The following SYT16 variants were observed in gnomAD, a reference collection of about 807,000 sequenced individuals.
SYT16 encodes synaptotagmin-16.
In SYT16, 42 loss-of-function variants were observed where a neutral mutation model predicts 61.4. That is an observed-to-expected ratio of 0.68 (90% CI 0.53 to 0.89). The LOEUF (loss-of-function observed/expected upper bound fraction) is 0.89. Among genes scored for constraint, SYT16 ranks in the 40% least tolerant of loss-of-function variants. The pLI is 0.00. For missense variants in SYT16, 804 were observed against 807.3 expected (o/e 1.00, Z 0.05); for synonymous variants, 314 against 302.3 (o/e 1.04, Z -0.40).
chr14:61,958,961 A>G (rs1241968554), intron 1 of SYT16, among the ~76,000 whole-genome samples: 1 of 151,968 alleles, frequency 6.6e-6, no homozygotes, highest in African/African-American at 2.4e-5. Flanking sequence ...TTTAGTTGTG[A>G]TAGATCCCTG....
intron 1 of SYT16, among the ~76,000 whole-genome samples, chr14:61,902,061 C>T (rs2048542313): frequency 6.6e-6 from 1 of 152,172 alleles, no homozygotes; most frequent in South Asian, 2.1e-4. Flanking sequence ...CCGTTCCAGA[C>T]CTGCTTATAA....
intron 2 of SYT16, among the ~76,000 whole-genome samples, chr14:61,995,561 C>T (rs973078772): frequency 6.6e-6 from 1 of 151,934 alleles, no homozygotes; most frequent in Non-Finnish European, 1.5e-5. Flanking sequence ...AATGTCATGC[C>T]CAATTGGATC....
At chr14:62,083,999 T>C (rs1212412180) in intron 6 of SYT16, among the ~76,000 whole-genome samples, 197 bp from the exon 7 acceptor site, 3 of 152,224 alleles carry the variant, frequency 2.0e-5, no homozygotes, top group African/African-American at 7.2e-5. Context: ...GAAACAAATA[T>C]GTCAGTTCCT....
At chr14:62,033,904 G>A (rs1349161935) in intron 3 of SYT16, among the ~76,000 whole-genome samples, 1 of 151,964 alleles carries the variant, frequency 6.6e-6, no homozygotes, top group Non-Finnish European at 1.5e-5. Context: ...ATGATACGAT[G>A]AGCAAAGTGA....
At chr14:62,069,207 G>C (rs2056193206) in intron 3 of SYT16, among the ~76,000 whole-genome samples, 1 of 152,188 alleles carries the variant, frequency 6.6e-6, no homozygotes, top group Non-Finnish European at 1.5e-5. Context: ...ATTAGATGAA[G>C]AGCATACATC....
chr14:61,865,072 T>C, intron 1 of SYT16: 1 of 1,385,684 alleles, frequency 7.2e-7, no homozygotes. Flanking sequence ...ACTGTGCAGC[T>C]TGCGGGAAAT....
At chr14:61,972,519 C>A (rs1342942235) in intron 2 of SYT16, among the ~76,000 whole-genome samples, 7 of 152,166 alleles carry the variant, frequency 4.6e-5, no homozygotes, top group Non-Finnish European at 1.0e-4. Context: ...AAAATAGTTT[C>A]TTCAGGAGCA....
chr14:62,015,978 C>T (rs1278754551), intron 3 of SYT16, among the ~76,000 whole-genome samples: 10 of 152,160 alleles, frequency 6.6e-5, no homozygotes, highest in Admixed American at 5.2e-4. Flanking sequence ...AGTCCTTCCC[C>T]CAGGATAGTC....
At chr14:62,087,243 G>C (rs1271619716) in intron 7 of SYT16, among the ~76,000 whole-genome samples, 1 of 152,226 alleles carries the variant, frequency 6.6e-6, no homozygotes, top group African/African-American at 2.4e-5. Flanking sequence ...GAGAAGAAGA[G>C]AGGACAGGAG....
chr14:62,089,825 T>C (rs922191752), intron 7 of SYT16, among the ~76,000 whole-genome samples: 7 of 152,210 alleles, frequency 4.6e-5, no homozygotes, highest in African/African-American at 1.4e-4. Flanking sequence ...GAAAAAGCAG[T>C]GTATAGTGTC....
At chr14:62,027,778 T>C (rs1217853503) in intron 3 of SYT16, among the ~76,000 whole-genome samples, 1 of 152,208 alleles carries the variant, frequency 6.6e-6, no homozygotes, top group Non-Finnish European at 1.5e-5. Context: ...CTCAAGTCTG[T>C]AGTCAGCCAT....
At chr14:61,940,405 AAAC>A (rs1281803843) in intron 1 of SYT16, among the ~76,000 whole-genome samples, 2 of 152,110 alleles carry the variant, frequency 1.3e-5, no homozygotes, top group Non-Finnish European at 2.9e-5. Context: ...AGCTTCAAAT[AAAC>A]AACAACAAAA....
chr14:62,069,394 C>T (rs1433446438), intron 3 of SYT16: 6 of 578,766 alleles, frequency 1.0e-5, no homozygotes, highest in African/African-American at 3.7e-5. Flanking sequence ...AGCTATATAC[C>T]GTATTTCTAA....
At chr14:61,880,603 A>G (rs975183778) in intron 1 of SYT16, among the ~76,000 whole-genome samples, 3 of 152,186 alleles carry the variant, frequency 2.0e-5, no homozygotes, top group Non-Finnish European at 2.9e-5. Flanking sequence ...ATTAACACAT[A>G]TATTGCTCTA....
chr14:61,999,845 A>C (rs768941527), intron 3 of SYT16, among the ~76,000 whole-genome samples: 2 of 151,726 alleles, frequency 1.3e-5, no homozygotes, highest in Non-Finnish European at 2.9e-5. Context: ...TAAGTTCCAA[A>C]TATTGGGAAT....
chr14:61,969,939 G>A (rs1156763258), intron 1 of SYT16, among the ~76,000 whole-genome samples, 193 bp from the exon 2 acceptor site: 1 of 152,164 alleles, frequency 6.6e-6, no homozygotes, highest in African/African-American at 2.4e-5. Context: ...AGGATGTACT[G>A]GCCAACAGTC....
rs1276287093 is a variant in SYT16, at chr14:62,108,803, T to C, written c.*8096T>C. The C allele has an allele frequency of 3.9e-5, 6 of 152,174 alleles. No individual in the cohort carries two copies. Among genetic ancestry groups the C allele is most frequent in the Non-Finnish European group, 4.4e-5 (3 of 68,018 alleles). The allele number at this position is 152,174 out of a possible 1,614,324, so 9.4% of individuals were successfully genotyped here. A position where few individuals can be genotyped will look rare whatever the true frequency, so the allele number is the denominator to read the frequency against. On this transcript the variant is annotated 3_prime_UTR_variant, in exon 8 of 8. Transcript: ENST00000683842. ...GTTTCTGTTACAATATTTTCTCTTA[T>C]AGTGTTGGGATAGGATTTGACCTGT...
At chr14:62,030,258 C>A (rs1339112979) in intron 3 of SYT16, among the ~76,000 whole-genome samples, 2 of 152,194 alleles carry the variant, frequency 1.3e-5, no homozygotes, top group East Asian at 1.9e-4. Flanking sequence ...GTATTTTGAT[C>A]AATTCCTTTT....
chr14:61,852,995 T>A (rs1009999741), intron 1 of SYT16, among the ~76,000 whole-genome samples: 30 of 152,190 alleles, frequency 2.0e-4, no homozygotes, highest in African/African-American at 6.8e-4. Flanking sequence ...CTTGGCTTAC[T>A]GCAACCTCCA....
Sources: gnomAD v4.1 joint callset for allele counts (sites outside exome capture counted in the v4.1 genomes callset) on GRCh38, gnomAD v4.1.1 for gene constraint, MANE v1.5 for transcripts, NCBI Gene and HGNC (gene_info 2026-07-23, HGNC 2026-07-21) for gene names.